The following ATRN variants were observed in gnomAD, a reference collection of about 807,000 sequenced individuals.
ATRN encodes the protein attractin.
In ATRN, 54 loss-of-function variants were observed where a neutral mutation model predicts 178.7. That is an observed-to-expected ratio of 0.30 (90% CI 0.24 to 0.38). The LOEUF is 0.38. Among genes scored for constraint, ATRN ranks in the 10% least tolerant of loss-of-function variants. The pLI is 1.00. For synonymous variants in ATRN, 636 were observed against 663.0 expected (o/e 0.96, Z 0.63); for missense variants, 1,443 against 1,815.1 (o/e 0.79, Z 3.73).
intron 24 of ATRN, among the ~76,000 whole-genome samples, chr20:3,609,626 G>A (rs921291908): frequency 2.6e-5 from 4 of 151,746 alleles, no homozygotes; most frequent in African/African-American, 9.7e-5. Flanking sequence ...TTCCAATGTT[G>A]ATAGCATTAT....
At chr20:3,592,558 A>C in intron 19 of ATRN, 1 of 829,086 alleles carries the variant, frequency 1.2e-6, no homozygotes, top group Non-Finnish European at 1.5e-6. Flanking sequence ...CAAAAAACAT[A>C]ATGAGTACTA....
chr20:3,505,142 G>A (rs1568693126), intron 1 of ATRN, among the ~76,000 whole-genome samples: 1 of 152,188 alleles, frequency 6.6e-6, no homozygotes, highest in South Asian at 2.1e-4. Flanking sequence ...AGTGAACTGA[G>A]TAAAGATTAC....
At chr20:3,544,462 G>C (rs368844856) in intron 3 of ATRN, among the ~76,000 whole-genome samples, 5 of 152,106 alleles carry the variant, frequency 3.3e-5, no homozygotes, top group African/African-American at 1.2e-4. Flanking sequence ...GACAGATTGC[G>C]TAGGGCCTGG....
intron 1 of ATRN, among the ~76,000 whole-genome samples, chr20:3,481,371 T>TA (rs2084618105): frequency 6.6e-6 from 1 of 152,174 alleles, no homozygotes; most frequent in South Asian, 2.1e-4. Flanking sequence ...GACAGGGGCT[T>TA]ACCCTGTCAC....
At chr20:3,569,457 A>T (rs747786449) in intron 11 of ATRN, among the ~76,000 whole-genome samples, 1 of 152,180 alleles carries the variant, frequency 6.6e-6, no homozygotes, top group Non-Finnish European at 1.5e-5. Flanking sequence ...AAAAATGTAC[A>T]CCTGTACAGG....
At chr20:3,610,551 C>T (rs1037173247) in intron 24 of ATRN, among the ~76,000 whole-genome samples, 3 of 149,918 alleles carry the variant, frequency 2.0e-5, no homozygotes, top group African/African-American at 4.9e-5. Flanking sequence ...CACACCGCCA[C>T]GCTAGTTCCA....
At position 3,625,158 on chromosome 20, in the gene ATRN, C is replaced by A. The variant is rs189656475; in HGVS notation, c.3863+586C>A. ...TGCGCCTTCCCCACCCCACGTCCCC[C>A]AATTTAAATTGTTTTGTTTTTTACT... On this transcript the variant is annotated intron_variant, in intron 25 of 28. Coordinates refer to ENST00000262919, the MANE Select transcript of ATRN (RefSeq NM_139321.3). Among the ~76,000 whole-genome samples, 24 of 152,276 alleles carry A rather than the reference C, an allele frequency of 1.6e-4. No individual in the cohort carries two copies. The East Asian group carries it at 3.3e-3, about 21-fold the overall frequency.
chr20:3,579,761 T>C (rs2086258664), intron 15 of ATRN, among the ~76,000 whole-genome samples: 1 of 152,172 alleles, frequency 6.6e-6, no homozygotes, highest in South Asian at 2.1e-4. Flanking sequence ...TCAGCTGTGG[T>C]ACAGAAACGT....
intron 1 of ATRN, among the ~76,000 whole-genome samples, chr20:3,476,942 G>A (rs1234938319): frequency 6.6e-6 from 1 of 152,270 alleles, no homozygotes; most frequent in Non-Finnish European, 1.5e-5. Flanking sequence ...ATTACTAAGT[G>A]ATGTCAACCT....
intron 25 of ATRN, among the ~76,000 whole-genome samples, chr20:3,630,232 A>C (rs1416363469): frequency 1.3e-5 from 2 of 152,180 alleles, no homozygotes; most frequent in Admixed American, 1.3e-4. Flanking sequence ...CTCCTGTAGA[A>C]CTGTATTATT....
intron 22 of ATRN, among the ~76,000 whole-genome samples, chr20:3,599,335 T>TA (rs2086574275): frequency 6.6e-6 from 1 of 152,132 alleles, no homozygotes; most frequent in Admixed American, 6.6e-5. Flanking sequence ...TTAATGTCAT[T>TA]AAAAAAATAA....
intron 28 of ATRN, among the ~76,000 whole-genome samples, chr20:3,646,369 C>T (rs1418274453): frequency 6.6e-6 from 1 of 152,194 alleles, no homozygotes; most frequent in Non-Finnish European, 1.5e-5. Context: ...TATGTTCCCA[C>T]CACCAAGCAG....
chr20:3,557,461 C>A (rs2085893575), intron 6 of ATRN, among the ~76,000 whole-genome samples: 1 of 152,214 alleles, frequency 6.6e-6, no homozygotes, highest in African/African-American at 2.4e-5. Context: ...AGGTGTCATT[C>A]TGCTGTAAAG....
At chr20:3,493,154 T>C (rs1367382535) in intron 1 of ATRN, among the ~76,000 whole-genome samples, 2 of 146,846 alleles carry the variant, frequency 1.4e-5, no homozygotes, top group Non-Finnish European at 3.0e-5. Flanking sequence ...GTGTGTATAA[T>C]TAAAAAAAAT....
At chr20:3,599,155 G>T (rs530820609) in intron 22 of ATRN, among the ~76,000 whole-genome samples, 5 of 152,000 alleles carry the variant, frequency 3.3e-5, no homozygotes, top group Non-Finnish European at 7.4e-5. Flanking sequence ...TTATTTTATG[G>T]AAAAACTATA....
chr20:3,558,277 T>C (rs2146216766), intron 6 of ATRN, among the ~76,000 whole-genome samples: 1 of 152,316 alleles, frequency 6.6e-6, no homozygotes, highest in Admixed American at 6.5e-5. Context: ...GAGATTTATG[T>C]TGACATATGT....
intron 24 of ATRN, among the ~76,000 whole-genome samples, chr20:3,610,742 CTTTTTTTTT>C (rs71195847): frequency 1.5e-5 from 1 of 65,260 alleles, no homozygotes; most frequent in Non-Finnish European, 2.8e-5. Flanking sequence ...CTGGCTAATT[CTTTTTTTTT>C]TTTTTTTTTT....
rs556229456 is a variant in ATRN at position 3,645,873 on chromosome 20, A to T, written c.4166-850A>T. ...CTGGCCATTTCCCACGTATATTAGG[A>T]ATCCAGCTCCCCCAGAACCGTGCCT... On this transcript the variant is annotated intron_variant, in intron 28 of 28. Transcript: ENST00000262919. The surrounding 1 kb of genome is among the most constrained non-coding windows in gnomAD (Gnocchi z 4.7). Among the ~76,000 whole-genome samples the T allele has an allele frequency of 7.9e-5, 12 of 151,968 alleles. 1 individual carries two copies. In the East Asian group the frequency reaches 2.3e-3, roughly 30 times the overall value.
At chr20:3,628,836 G>A in intron 25 of ATRN, 6 of 962,472 alleles carry the variant, frequency 6.2e-6, no homozygotes, top group Non-Finnish European at 7.4e-6. Context: ...CCCTACTGCT[G>A]CTTCTTAGCC....
Sources: allele counts gnomAD v4.1 joint callset (sites outside exome capture counted in the v4.1 genomes callset), GRCh38; gene constraint gnomAD v4.1.1; non-coding constraint Gnocchi (gnomAD v3.1); transcripts MANE v1.5; gene names NCBI Gene and HGNC (gene_info 2026-07-23, HGNC 2026-07-21).